The following VGLL4 variants were observed in gnomAD, a reference collection of about 807,000 sequenced individuals.
The protein encoded by VGLL4 is vestigial like family member 4, also known as transcription cofactor vestigial-like protein 4.
A neutral mutation model predicts 21.0 loss-of-function variants in VGLL4; 7 were observed. The ratio of observed to expected loss-of-function variants is 0.33; its 90% CI spans 0.19 to 0.63. VGLL4 has a LOEUF of 0.63. Among genes scored for constraint, VGLL4 ranks in the 20% least tolerant of loss-of-function variants. The pLI is 0.78. For missense variants in VGLL4, 394 were observed against 425.7 expected (o/e 0.93, Z 0.66); for synonymous variants, 222 against 173.2 (o/e 1.28, Z -2.21).
intron 2 of VGLL4, among the ~76,000 whole-genome samples, chr3:11,585,175 C>T (rs919655471): frequency 6.6e-6 from 1 of 152,116 alleles, no homozygotes. Context: ...GTGGCTCATG[C>T]CTGTTATCCT....
At chr3:11,575,126 C>T (rs993604505) in intron 2 of VGLL4, among the ~76,000 whole-genome samples, 3 of 152,194 alleles carry the variant, frequency 2.0e-5, no homozygotes, top group Non-Finnish European at 4.4e-5. Flanking sequence ...CTGCCTGGGG[C>T]CATGTGGCTG....
intron 2 of VGLL4, among the ~76,000 whole-genome samples, chr3:11,578,095 CA>C (rs953835859): frequency 6.6e-6 from 1 of 152,196 alleles, no homozygotes; most frequent in Admixed American, 6.5e-5. Context: ...CCAGCGTAGA[CA>C]GTCTAATAAA....
intron 2 of VGLL4, among the ~76,000 whole-genome samples, chr3:11,573,249 AAGAAAG>A (rs1272551614): frequency 5.8e-5 from 2 of 34,358 alleles, no homozygotes; most frequent in Non-Finnish European, 1.8e-4. Context: ...GAAATAGAGA[AAGAAAG>A]AAAGAAAGAA....
intron 2 of VGLL4, among the ~76,000 whole-genome samples, chr3:11,673,011 C>T (rs9813179): frequency 0.18 from 27,001 of 152,134 alleles, 3,908 homozygotes; most frequent in African/African-American, 0.38. Flanking sequence ...CAACAAAAGA[C>T]CCAGCCACCG....
At chr3:11,641,472 G>A (rs373984822) in intron 1 of VGLL4, among the ~76,000 whole-genome samples, 2 of 152,144 alleles carry the variant, frequency 1.3e-5, no homozygotes, top group African/African-American at 2.4e-5. Context: ...AAAAAATCCC[G>A]TGTGTGATTT....
chr3:11,576,818 G>A (rs1260300847), intron 2 of VGLL4, among the ~76,000 whole-genome samples: 3 of 152,226 alleles, frequency 2.0e-5, no homozygotes, highest in African/African-American at 7.2e-5. Flanking sequence ...GCCCGCCTCA[G>A]GAAGGCAGAG....
intron 1 of VGLL4, among the ~76,000 whole-genome samples, chr3:11,629,420 T>C (rs1420053783): frequency 6.6e-6 from 1 of 151,156 alleles, no homozygotes; most frequent in African/African-American, 2.4e-5. Context: ...AGGTAAAATT[T>C]CATAAAACGA....
At chr3:11,567,863 G>C (rs1424124931) in intron 2 of VGLL4, among the ~76,000 whole-genome samples, 1 of 152,206 alleles carries the variant, frequency 6.6e-6, no homozygotes, top group Non-Finnish European at 1.5e-5. Context: ...TGAGTGAATG[G>C]CTTCTCTCCA....
At chr3:11,659,599 G>A (rs189271079) in intron 2 of VGLL4, among the ~76,000 whole-genome samples, 1 of 151,950 alleles carries the variant, frequency 6.6e-6, no homozygotes, top group Non-Finnish European at 1.5e-5. Context: ...CTCCCAAAGT[G>A]CTGGAACTAC....
chr3:11,631,999 T>C (rs1447041731), intron 1 of VGLL4, among the ~76,000 whole-genome samples: 1 of 152,182 alleles, frequency 6.6e-6, no homozygotes, highest in East Asian at 1.9e-4. Context: ...AACATACAAC[T>C]AATCCATCAA....
At chr3:11,636,297 T>A (rs549038709) in intron 1 of VGLL4, among the ~76,000 whole-genome samples, 1 of 152,252 alleles carries the variant, frequency 6.6e-6, no homozygotes, top group African/African-American at 2.4e-5. Context: ...ACCATTAGAG[T>A]CTGGAATTCA....
intron 2 of VGLL4, among the ~76,000 whole-genome samples, chr3:11,668,978 T>C (rs1056625209): frequency 6.6e-6 from 1 of 152,234 alleles, no homozygotes; most frequent in Non-Finnish European, 1.5e-5. Flanking sequence ...ATCATCCTCC[T>C]TACTCTGGGC....
In VGLL4 at chr3:11,643,882, C is replaced by G. The variant is rs1046178133; in HGVS notation, c.-364G>C. 3.9e-6 allele frequency: 4 copies of G among 1,023,770 alleles called. No homozygotes were observed. In the African/African-American group the frequency reaches 5.2e-5, roughly 13 times the overall value. 63.4% of individuals were successfully genotyped at this position (1,023,770 alleles called of 1,614,324 possible). On this transcript the variant is annotated 5_prime_UTR_variant, in exon 1 of 5. Coordinates refer to ENST00000430365, the MANE Select transcript of VGLL4 (RefSeq NM_001128219.3). ...AGCGGCGCCGGCCCCTCTCACAGCC[C>G]GCTGCAAGCCGGCAGCGCTGACATG...
intron 2 of VGLL4, among the ~76,000 whole-genome samples, chr3:11,566,607 C>G (rs2073540064): frequency 1.3e-5 from 2 of 152,214 alleles, no homozygotes; most frequent in Non-Finnish European, 1.5e-5. Context: ...CAACCATCTA[C>G]TTGCCATTCC....
chr3:11,650,022 C>G (rs889780614), intron 2 of VGLL4, among the ~76,000 whole-genome samples: 1 of 152,136 alleles, frequency 6.6e-6, no homozygotes, highest in African/African-American at 2.4e-5. Flanking sequence ...TCACTGCAGC[C>G]TTGACTTCCC....
chr3:11,630,108 T>C (rs1289190293), intron 1 of VGLL4, among the ~76,000 whole-genome samples: 1 of 152,104 alleles, frequency 6.6e-6, no homozygotes, highest in Non-Finnish European at 1.5e-5. Context: ...AATACCAAAA[T>C]CACTACCTCT....
intron 2 of VGLL4, among the ~76,000 whole-genome samples, chr3:11,672,015 C>A (rs74996973): frequency 0.11 from 16,006 of 152,184 alleles, 1,470 homozygotes; most frequent in African/African-American, 0.24. Context: ...AGATGCAACT[C>A]CTTTCTCCAT....
At chr3:11,576,050 T>C (rs564482409) in intron 2 of VGLL4, among the ~76,000 whole-genome samples, 1 of 152,376 alleles carries the variant, frequency 6.6e-6, no homozygotes, top group South Asian at 2.1e-4. Flanking sequence ...TTTTCCATTA[T>C]TAGCTTTAGT....
In VGLL4 at chr3:11,630,230, T is replaced by C. The variant is rs368137344; in HGVS notation, c.82+13207A>G. On this transcript the variant is annotated intron_variant, in intron 1 of 4. Coordinates refer to ENST00000430365, the MANE Select transcript of VGLL4 (RefSeq NM_001128219.3). ...CACATAGTACCAATCAACAGTGTCA[T>C]AATAGGCATTCCAATAAGTAATGAA... Among the ~76,000 whole-genome samples, 28 of 152,356 alleles carry C rather than the reference T, an allele frequency of 1.8e-4. No individual in the cohort carries two copies. In the South Asian group the frequency reaches 5.6e-3, roughly 30 times the overall value.
Sources: gnomAD v4.1 joint callset for allele counts (sites outside exome capture counted in the v4.1 genomes callset) on GRCh38, gnomAD v4.1.1 for gene constraint, MANE v1.5 for transcripts, NCBI Gene and HGNC (gene_info 2026-07-23, HGNC 2026-07-21) for gene names.